The following FOXK2 variants were observed in gnomAD, a reference collection of about 807,000 sequenced individuals.
The protein encoded by FOXK2 is forkhead box K2.
A neutral mutation model predicts 53.3 loss-of-function variants in FOXK2; 24 were observed. That is an observed-to-expected ratio of 0.45 (90% CI 0.33 to 0.63). The LOEUF (loss-of-function observed/expected upper bound fraction) is 0.63. Ranked by LOEUF, FOXK2 falls within the 30% of genes least tolerant of loss-of-function variation. The pLI, the probability that FOXK2 is intolerant of heterozygous loss-of-function variation, is 0.03. For synonymous variants in FOXK2, 505 were observed against 407.1 expected, an observed-to-expected ratio of 1.24 and a Z score of -2.89; for missense variants, 952 against 910.5, an observed-to-expected ratio of 1.05 and a Z score of -0.59.
At chr17:82,557,741 C>T (rs1251799808) in intron 1 of FOXK2, among the ~76,000 whole-genome samples, 1 of 152,176 alleles carries the variant, frequency 6.6e-6, no homozygotes, top group African/African-American at 2.4e-5. Flanking sequence ...CTCAAACTCC[C>T]AGGGTCAAGC....
chr17:82,583,315 C>A (rs1314786524), intron 5 of FOXK2, among the ~76,000 whole-genome samples: 3 of 152,188 alleles, frequency 2.0e-5, no homozygotes, highest in Admixed American at 6.5e-5. Context: ...GAGGCCGAGG[C>A]GGGCGGATCA....
At chr17:82,570,750 G>A (rs754264023) in intron 3 of FOXK2, among the ~76,000 whole-genome samples, 5 of 152,166 alleles carry the variant, frequency 3.3e-5, no homozygotes, top group South Asian at 2.1e-4. Flanking sequence ...GTTGACAAGC[G>A]TGTTGCCCAG....
At chr17:82,527,664 A>G (rs902559054) in intron 1 of FOXK2, among the ~76,000 whole-genome samples, 2 of 152,302 alleles carry the variant, frequency 1.3e-5, no homozygotes, top group Non-Finnish European at 2.9e-5. Context: ...ATTGAGATAC[A>G]TTGTTATCAC....
At chr17:82,576,787 T>A (rs1434433195) in intron 4 of FOXK2, 3 of 610,572 alleles carry the variant, frequency 4.9e-6, no homozygotes, top group Non-Finnish European at 8.7e-6. Flanking sequence ...TATGGTGCTG[T>A]AATGTGGTGG....
In FOXK2 at chr17:82,546,026, C is replaced by G. The variant is rs188932226; in HGVS notation, c.420-17328C>G. 2.6e-5 allele frequency among the ~76,000 whole-genome samples: 4 copies of G among 151,732 alleles called. No homozygotes were observed. In the East Asian group the frequency reaches 5.8e-4, roughly 22 times the overall value. On this transcript the variant is annotated intron_variant, in intron 1 of 8. Transcript: ENST00000335255. The stretch of plus-strand genomic sequence containing the variant: ...CTCTTTTTTATTTTAGGTATTTTAG[C>G]AGGTATTGTGGTTTTAATTTGCATT...
At chr17:82,600,294 C>T (rs1224064666) in intron 8 of FOXK2, 1 of 152,282 alleles carries the variant, frequency 6.6e-6, no homozygotes, top group African/African-American at 2.4e-5. Context: ...GGCCTGGAGA[C>T]AGATTCTGTG....
Position 82,520,209 on chromosome 17 carries a change from C to T in FOXK2, c.321C>T (p.Ala107=). 1 of 1,327,930 alleles carries T rather than the reference C, an allele frequency of 7.5e-7. No individual in the cohort carries two copies. The allele number at this position is 1,327,930 out of a possible 1,614,324, so 82.3% of individuals were successfully genotyped here. ...ELPPAQPRPD[A]GGDFYLRCLG... ...CGCCCGCGCAGCCCAGGCCCGACGC[C>T]GGCGGCGACTTCTACCTGCGCTGCT... The change falls in exon 1 of 9, where the codon GCC becomes GCT. Residue 107 remains alanine, a synonymous_variant. Transcript: ENST00000335255.
chr17:82,592,602 C>A (rs564152086), intron 8 of FOXK2, among the ~76,000 whole-genome samples: 8 of 152,258 alleles, frequency 5.3e-5, no homozygotes, highest in Non-Finnish European at 1.0e-4. Flanking sequence ...CTTTCGTTAA[C>A]ATTGTTCCTG....
At chr17:82,533,571 C>T (rs2044492638) in intron 1 of FOXK2, among the ~76,000 whole-genome samples, 1 of 152,084 alleles carries the variant, frequency 6.6e-6, no homozygotes, top group Admixed American at 6.6e-5. Flanking sequence ...TGTACGCGAT[C>T]GTATGTGCTG....
chr17:82,597,718 T>G (rs2045330968), intron 8 of FOXK2, among the ~76,000 whole-genome samples: 1 of 152,180 alleles, frequency 6.6e-6, no homozygotes, highest in African/African-American at 2.4e-5. Flanking sequence ...TGGCATGACC[T>G]TGGCTTACTG....
rs1346345856 is a variant in FOXK2, at chr17:82,592,612, G to T, written c.1786+5340G>T. ...CGCTTCTTTCGTTAACATTGTTCCT[G>T]CCTTGATCGTTTGCTCCCTCCTGCC... On this transcript the variant is annotated intron_variant, in intron 8 of 8. Coordinates refer to ENST00000335255, the MANE Select transcript of FOXK2 (RefSeq NM_004514.4). Among the ~76,000 whole-genome samples, 3 of 152,344 alleles carry T rather than the reference G, an allele frequency of 2.0e-5. No homozygotes were observed. The East Asian group carries it at 5.8e-4, about 29-fold the overall frequency.
chr17:82,533,836 C>T (rs1457279229), intron 1 of FOXK2, among the ~76,000 whole-genome samples: 1 of 151,428 alleles, frequency 6.6e-6, no homozygotes, highest in Non-Finnish European at 1.5e-5. Flanking sequence ...TTAGCTGGGC[C>T]TGGCACAGCT....
At chr17:82,547,984 T>A (rs1005045315) in intron 1 of FOXK2, among the ~76,000 whole-genome samples, 4 of 152,198 alleles carry the variant, frequency 2.6e-5, no homozygotes, top group African/African-American at 7.2e-5. Flanking sequence ...GGCAGCTGAG[T>A]GGATTCTCTT....
At chr17:82,558,839 TG>T (rs1475759377) in intron 1 of FOXK2, among the ~76,000 whole-genome samples, 1 of 152,014 alleles carries the variant, frequency 6.6e-6, no homozygotes, top group Non-Finnish European at 1.5e-5. Context: ...CTCCGCCTCC[TG>T]GGTTCATGCC....
chr17:82,576,745 C>T (rs2044991317), intron 4 of FOXK2: 2 of 741,574 alleles, frequency 2.7e-6, no homozygotes, highest in Non-Finnish European at 4.5e-6. Flanking sequence ...AACGTAGCAG[C>T]ATGTCGAATA....
At chr17:82,545,364 G>A (rs952826974) in intron 1 of FOXK2, among the ~76,000 whole-genome samples, 8 of 152,066 alleles carry the variant, frequency 5.3e-5, no homozygotes, top group South Asian at 2.1e-4. Flanking sequence ...TGTAGGAGAC[G>A]GTGTTTGTTT....
At chr17:82,540,470 A>G (rs1336785748) in intron 1 of FOXK2, among the ~76,000 whole-genome samples, 1 of 151,986 alleles carries the variant, frequency 6.6e-6, no homozygotes, top group East Asian at 1.9e-4. Context: ...CAGTGATCCC[A>G]TGTCTATACC....
At chr17:82,586,568 G>T (rs1000539528) in intron 7 of FOXK2, among the ~76,000 whole-genome samples, 2 of 151,710 alleles carry the variant, frequency 1.3e-5, no homozygotes, top group South Asian at 2.1e-4. Flanking sequence ...AGGAGGAGAG[G>T]CTGCCCCATC....
intron 2 of FOXK2, among the ~76,000 whole-genome samples, chr17:82,567,815 C>T (rs943014601): frequency 1.8e-4 from 27 of 152,008 alleles, no homozygotes; most frequent in African/African-American, 4.8e-4. Context: ...CATGAGCTGA[C>T]GTTTATAGAA....
Sources: allele counts gnomAD v4.1 joint callset (sites outside exome capture counted in the v4.1 genomes callset), GRCh38; gene constraint gnomAD v4.1.1; transcripts MANE v1.5; gene names NCBI Gene and HGNC (gene_info 2026-07-23, HGNC 2026-07-21).